Variants in ATE1 observed in about 807,000 individuals in gnomAD.
The protein encoded by ATE1 is arginyltransferase 1.
ATE1 carries 36 observed loss-of-function variants against 70.5 expected under a neutral mutation model. The ratio of observed to expected loss-of-function variants is 0.51; its 90% CI spans 0.39 to 0.67. The LOEUF is 0.67. Ranked by LOEUF, ATE1 falls within the 30% of genes least tolerant of loss-of-function variation. ATE1 has a pLI of 0.00. For missense variants in ATE1, 593 were observed against 629.5 expected, an observed-to-expected ratio of 0.94 and a Z score of 0.62; for synonymous variants, 232 against 219.3, an observed-to-expected ratio of 1.06 and a Z score of -0.51.
chr10:121,894,093 C>A lies in ATE1; in HGVS notation c.942+5773G>T, dbSNP rs376804873. Among the ~76,000 whole-genome samples, 5 of 147,318 alleles carry A rather than the reference C, an allele frequency of 3.4e-5. No homozygotes were observed. In the East Asian group the frequency reaches 1.0e-3, roughly 30 times the overall value. ...CGGAGGTTGCAGTGAGCCAAGATTGCGCCATCGCACTCCAGCCTGGGCAAC... is the reference window on the plus strand; with the variant it reads ...CGGAGGTTGCAGTGAGCCAAGATTGAGCCATCGCACTCCAGCCTGGGCAAC... On this transcript the variant is annotated intron_variant, in intron 7 of 11. Transcript: ENST00000224652.
At chr10:121,757,876 T>C (rs1266464381) in intron 11 of ATE1, among the ~76,000 whole-genome samples, 1 of 152,238 alleles carries the variant, frequency 6.6e-6, no homozygotes, top group Non-Finnish European at 1.5e-5. Flanking sequence ...TCCCTCATAT[T>C]TGTGTGTATT....
intron 8 of ATE1, among the ~76,000 whole-genome samples, chr10:121,857,773 C>T (rs7068172): frequency 0.091 from 13,881 of 152,100 alleles, 2,042 homozygotes; most frequent in African/African-American, 0.31. Context: ...ATGTAACTAC[C>T]CACACAATCC....
At chr10:121,904,693 CAA>C (rs1170260488) in intron 5 of ATE1, among the ~76,000 whole-genome samples, 4 of 139,012 alleles carry the variant, frequency 2.9e-5, no homozygotes, top group Non-Finnish European at 6.0e-5. Flanking sequence ...CAAACCATAT[CAA>C]AGTCAGCAAA....
intron 8 of ATE1, among the ~76,000 whole-genome samples, chr10:121,849,501 G>T (rs1486553200): frequency 1.3e-5 from 2 of 152,184 alleles, no homozygotes; most frequent in Admixed American, 6.5e-5. Context: ...TCCTGTGGAA[G>T]CTGGGGTCTT....
intron 8 of ATE1, among the ~76,000 whole-genome samples, chr10:121,858,146 A>T (rs895090900): frequency 6.6e-6 from 1 of 152,174 alleles, no homozygotes; most frequent in South Asian, 2.1e-4. Flanking sequence ...TGCTCTGAAC[A>T]CTGCTATATT....
At chr10:121,874,217 A>G (rs1372327241) in intron 7 of ATE1, among the ~76,000 whole-genome samples, 1 of 152,156 alleles carries the variant, frequency 6.6e-6, no homozygotes, top group East Asian at 1.9e-4. Context: ...TACGACTCTA[A>G]ATTATGTTAA....
chr10:121,867,195 G>C (rs753351859), intron 8 of ATE1, among the ~76,000 whole-genome samples: 1 of 152,114 alleles, frequency 6.6e-6, no homozygotes. Context: ...ACTAAGAATG[G>C]GAAAGCAATA....
chr10:121,831,740 C>G (rs191661730), intron 10 of ATE1, among the ~76,000 whole-genome samples: 2 of 152,260 alleles, frequency 1.3e-5, no homozygotes, highest in East Asian at 3.9e-4. Flanking sequence ...CACATGGCAA[C>G]ATTAGTTTTC....
intron 5 of ATE1, among the ~76,000 whole-genome samples, chr10:121,904,333 G>A (rs573720105): frequency 5.4e-4 from 82 of 151,066 alleles, no homozygotes; most frequent in African/African-American, 1.9e-3. Context: ...AGATATTAAA[G>A]AAATAAGGTG....
Position 121,765,825 on chromosome 10 carries a change from G to T in ATE1, c.1379-21967C>A, listed in dbSNP as rs554308652. Among the ~76,000 whole-genome samples the T allele has an allele frequency of 2.6e-5, 4 of 152,250 alleles. No individual in the cohort carries two copies. In the East Asian group the frequency reaches 7.7e-4, roughly 29 times the overall value. On this transcript the variant is annotated intron_variant, in intron 11 of 11. Coordinates refer to ENST00000224652, the MANE Select transcript of ATE1 (RefSeq NM_001001976.3). Reference sequence around the variant, plus strand: ...TTCACTATTTTGGTATTAGACGTTAGCAGACTTCCATTTAATTTTATTGGC... The same window carrying T: ...TTCACTATTTTGGTATTAGACGTTATCAGACTTCCATTTAATTTTATTGGC...
chr10:121,777,039 T>G (rs1222334316), intron 11 of ATE1, among the ~76,000 whole-genome samples: 2 of 152,238 alleles, frequency 1.3e-5, no homozygotes, highest in Non-Finnish European at 2.9e-5. Context: ...GTAGTTTGAT[T>G]CTCACAAAGG....
chr10:121,858,742 G>T (rs1949353724), intron 8 of ATE1, among the ~76,000 whole-genome samples: 1 of 146,498 alleles, frequency 6.8e-6, no homozygotes, highest in South Asian at 2.2e-4. Context: ...ACATCTTTGG[G>T]GTCTGTCAAC....
chr10:121,818,139 T>C (rs1246547116), intron 10 of ATE1, among the ~76,000 whole-genome samples: 1 of 151,092 alleles, frequency 6.6e-6, no homozygotes, highest in Non-Finnish European at 1.5e-5. Flanking sequence ...TGGTGTGTGC[T>C]TGTGGTCCCA....
In ATE1 at chr10:121,911,200, A is replaced by T. The variant is rs369709846; in HGVS notation, c.338-49T>A. On this transcript the variant is annotated intron_variant, in intron 4 of 11. Coordinates refer to ENST00000224652, the MANE Select transcript of ATE1 (RefSeq NM_001001976.3). The stretch of plus-strand genomic sequence containing the variant: ...ATCCATCAGCTGGGTTATTTGATAC[A>T]GTTAGGTAAATACAGAAATACAATG... The T allele has an allele frequency of 1.3e-5, 20 of 1,579,932 alleles. No homozygotes were observed. The African/African-American group carries it at 2.7e-4, about 22-fold the overall frequency.
intron 10 of ATE1, among the ~76,000 whole-genome samples, chr10:121,834,751 T>A (rs1948372611): frequency 6.6e-6 from 1 of 152,188 alleles, no homozygotes; most frequent in East Asian, 1.9e-4. Flanking sequence ...GGTTAAAATA[T>A]AGGGCAAATT....
At chr10:121,897,769 T>A (rs947946685) in intron 7 of ATE1, among the ~76,000 whole-genome samples, 1 of 146,370 alleles carries the variant, frequency 6.8e-6, no homozygotes, top group African/African-American at 2.5e-5. Flanking sequence ...GAGGTTGCAG[T>A]GAGCAGAGAT....
chr10:121,758,197 C>T (rs185587142), intron 11 of ATE1, among the ~76,000 whole-genome samples: 1 of 152,206 alleles, frequency 6.6e-6, no homozygotes, highest in Admixed American at 6.5e-5. Context: ...CTATTATGTT[C>T]AGTTTGCCTA....
At chr10:121,916,162 G>A (rs1207898746) in intron 3 of ATE1, among the ~76,000 whole-genome samples, 2 of 151,830 alleles carry the variant, frequency 1.3e-5, no homozygotes, top group Non-Finnish European at 2.9e-5. Context: ...AGGAGGCGGA[G>A]CTTGCAGTGA....
At chr10:121,788,270 T>C (rs982907115) in intron 11 of ATE1, among the ~76,000 whole-genome samples, 1 of 152,172 alleles carries the variant, frequency 6.6e-6, no homozygotes, top group African/African-American at 2.4e-5. Flanking sequence ...ATCAATGAGG[T>C]GTAACTTTAC....
Sources: gnomAD v4.1 joint callset for allele counts (sites outside exome capture counted in the v4.1 genomes callset) on GRCh38, gnomAD v4.1.1 for gene constraint, MANE v1.5 for transcripts, NCBI Gene and HGNC (gene_info 2026-07-23, HGNC 2026-07-21) for gene names.